Variants in ACP7 observed in about 807,000 individuals in gnomAD.
The protein encoded by ACP7 is acid phosphatase type 7.
Under a neutral mutation model 60.6 loss-of-function variants are expected in ACP7, and 58 were observed. That is an observed-to-expected ratio of 0.96 (90% CI 0.77 to 1.19). The LOEUF (loss-of-function observed/expected upper bound fraction) is 1.19. ACP7 is among the 50% of genes most tolerant of loss of function. The pLI, the probability that ACP7 is intolerant of heterozygous loss-of-function variation, is 0.00. For synonymous variants in ACP7, 237 were observed against 232.6 expected, an observed-to-expected ratio of 1.02 and a Z score of -0.17; for missense variants, 574 against 596.2, an observed-to-expected ratio of 0.96 and a Z score of 0.39.
chr19:39,102,781 TTCTCTC>T (rs1215908836), intron 11 of ACP7, among the ~76,000 whole-genome samples: 1 of 118,080 alleles, frequency 8.5e-6, no homozygotes, highest in Non-Finnish European at 1.8e-5. Flanking sequence ...CTCTCTCTCT[TTCTCTC>T]TCTCTCTTTC....
At position 39,098,996 on chromosome 19, in the gene ACP7, G is replaced by C; in HGVS notation, c.359G>C (p.Arg120Pro). 1 of 1,613,568 alleles carries C rather than the reference G, an allele frequency of 6.2e-7. No homozygotes were observed. The highest frequency in any genetic ancestry group is 8.5e-7 in the Non-Finnish European group (1 of 1,179,944). Residue 120 changes from arginine (R) to proline (P), a missense_variant, in exon 4 of 13, where the codon CGG (arginine) becomes CCG (proline). Transcript: ENST00000331256. ...GGCAGTGCGCAGGGCTGGAGCCGTC[G>C]GTTCCGCTTCAGGGCCCTCAAGAAT... The part of the protein sequence containing the change: ...RCGSAQGWSR[R>P]FRFRALKNGA...
chr19:39,096,600 C>T (rs1465305681), intron 2 of ACP7, among the ~76,000 whole-genome samples: 1 of 152,188 alleles, frequency 6.6e-6, no homozygotes, highest in Non-Finnish European at 1.5e-5. Flanking sequence ...AGTTCCAAAG[C>T]TGCTTCCACA....
chr19:39,099,067 G>C lies in ACP7; in HGVS notation c.430G>C (p.Ala144Pro), dbSNP rs373944316. 7 of 1,609,640 alleles carry C rather than the reference G, an allele frequency of 4.3e-6. No homozygotes were observed. The African/African-American group carries it at 6.7e-5, about 15-fold the overall frequency. The change falls in exon 4 of 13, where the codon GCT becomes CCT. Residue 144 changes from alanine to proline, a missense_variant. Physicochemically the swap from Ala to Pro is conservative, Grantham distance 27. Coordinates refer to ENST00000331256, the MANE Select transcript of ACP7 (RefSeq NM_001004318.3). ...TCTGGCTGTGTTTGGAGACCTGGGG[G>C]CTGACAACCCGAAGGCCGTCCCCCG... Reference protein sequence around the residue: ...PRLAVFGDLGADNPKAVPRLR... With the variant: ...PRLAVFGDLGPDNPKAVPRLR...
Position 39,094,251 on chromosome 19 carries a change from T to A in ACP7, c.122-4207T>A, listed in dbSNP as rs189634777. ...CGTGGTGGCTCACCCAAAGTGCTGATCCCAGCACTTTGGGAGGCCCAGGTG... is the reference window on the plus strand; with the variant it reads ...CGTGGTGGCTCACCCAAAGTGCTGAACCCAGCACTTTGGGAGGCCCAGGTG... On this transcript the variant is annotated intron_variant, in intron 2 of 12. Transcript: ENST00000331256. Among the ~76,000 whole-genome samples the A allele has an allele frequency of 3.1e-3, 474 of 152,158 alleles. 4 individuals carry two copies. The highest frequency in any genetic ancestry group is 0.01 in the African/African-American group (432 of 41,536).
intron 4 of ACP7, 114 bp from the exon 5 acceptor site, chr19:39,100,113 G>T: frequency 7.0e-7 from 1 of 1,419,184 alleles, no homozygotes; most frequent in Non-Finnish European, 9.5e-7. Flanking sequence ...CTCTTGCCTT[G>T]GCCTCCCGAA....
chr19:39,101,387 A>G, intron 10 of ACP7, 32 bp downstream of exon 10: 1 of 1,614,014 alleles, frequency 6.2e-7, no homozygotes, highest in Non-Finnish European at 8.5e-7. Context: ...GCGCCCACAC[A>G]GCTGGGGTCA....
chr19:39,105,880 A>G lies in ACP7; in HGVS notation c.1114-1067A>G, dbSNP rs137874579. On this transcript the variant is annotated intron_variant, in intron 11 of 12. Coordinates refer to ENST00000331256, the MANE Select transcript of ACP7 (RefSeq NM_001004318.3). Reference sequence around the variant, plus strand: ...TGAAAGTGTGGTACGGATGGGTCTCATTACTGATGATGCTTACTTTGATCA... The same window carrying G: ...TGAAAGTGTGGTACGGATGGGTCTCGTTACTGATGATGCTTACTTTGATCA... Among the ~76,000 whole-genome samples the G allele has an allele frequency of 7.2e-3, 1,096 of 152,216 alleles. 8 individuals are homozygous for G. Among genetic ancestry groups the G allele is most frequent in the African/African-American group, 0.021 (853 of 41,538 alleles).
At chr19:39,093,039 A>G (rs1165265873) in intron 2 of ACP7, among the ~76,000 whole-genome samples, 3 of 151,448 alleles carry the variant, frequency 2.0e-5, no homozygotes, top group Non-Finnish European at 2.9e-5. Context: ...TGGCCTCCCA[A>G]AGTGCTGGGA....
chr19:39,095,528 C>T (rs1001909782), intron 2 of ACP7, among the ~76,000 whole-genome samples: 7 of 152,230 alleles, frequency 4.6e-5, no homozygotes, highest in African/African-American at 1.7e-4. Flanking sequence ...GGTATAGCCT[C>T]CCTCCTGGCT....
chr19:39,093,813 C>T (rs1242870027), intron 2 of ACP7, among the ~76,000 whole-genome samples: 1 of 152,162 alleles, frequency 6.6e-6, no homozygotes, highest in African/African-American at 2.4e-5. Context: ...ATTTTCTATA[C>T]CCCCTTACAT....
Position 39,101,548 on chromosome 19 carries a change from G to A in ACP7, c.1113+11G>A, listed in dbSNP as rs752069399. 2.6e-5 allele frequency: 42 copies of A among 1,612,764 alleles called. 2 individuals are homozygous for A. The South Asian group carries it at 4.3e-4, about 16-fold the overall frequency. On this transcript the variant is annotated intron_variant, in intron 11 of 12. Transcript: ENST00000331256. The stretch of plus-strand genomic sequence containing the variant: ...ATCACAGGATCTGCTGTGAGCAGGG[G>A]GAAGGGTGGCTTTGCCTTCTCTCTC...
intron 2 of ACP7, 44 bp from the exon 3 acceptor site, chr19:39,098,414 C>T: frequency 2.2e-6 from 3 of 1,386,428 alleles, no homozygotes; most frequent in Non-Finnish European, 1.9e-6. Context: ...TCCCACCCTG[C>T]CCAGGCTTCA....
At chr19:39,092,370 GTATATATA>G (rs59033785) in intron 2 of ACP7, among the ~76,000 whole-genome samples, 49 of 149,226 alleles carry the variant, frequency 3.3e-4, no homozygotes, top group African/African-American at 1.1e-3. Context: ...GCGAAACTCT[GTATATATA>G]TATATATATA....
chr19:39,106,960 G>C lies in ACP7; in HGVS notation c.1127G>C (p.Arg376Pro). 6.2e-7 allele frequency: 1 copy of C among 1,613,868 alleles called. No individual in the cohort carries two copies. The highest frequency in any genetic ancestry group is 8.5e-7 in the Non-Finnish European group (1 of 1,179,940). ...TCCCCGCCCCAGGGCTGTGAGGAGC[G>C]GCTGACGCCCTTTGCTGTCTTCCCG... is the stretch of plus-strand genomic sequence containing the variant. ...IITGSAGCEE[R>P]LTPFAVFPRP... The change falls in exon 12 of 13, where the codon CGG becomes CCG. Residue 376 changes from arginine to proline, a missense_variant. Physicochemically the swap from Arg to Pro is moderately radical, Grantham distance 103. Transcript: ENST00000331256.
rs1334137040 is a variant in ACP7, at chr19:39,098,573, C to T, written c.237C>T (p.Val79=). The T allele has an allele frequency of 9.9e-6, 16 of 1,613,678 alleles. No homozygotes were observed. Among genetic ancestry groups the T allele is most frequent in the Non-Finnish European group, 1.4e-5 (16 of 1,179,828 alleles). Residue 79 remains valine (V), a synonymous_variant, in exon 3 of 13, where the codon GTC becomes GTT. Coordinates refer to ENST00000331256, the MANE Select transcript of ACP7 (RefSeq NM_001004318.3). ...CCCTCCGCGCCCAGGGCACCTTCGT[C>T]CCCTTTGTGGACGGGGGCATTCTCC... ...PLPLRAQGTF[V]PFVDGGILRR...
chr19:39,101,656 C>A, intron 11 of ACP7, 119 bp downstream of exon 11: 1 of 1,167,914 alleles, frequency 8.6e-7, no homozygotes, highest in South Asian at 1.5e-5. Flanking sequence ...ACCCTCAGCC[C>A]TAAGGTCGGG....
At chr19:39,104,083 A>C (rs1164125434) in intron 11 of ACP7, among the ~76,000 whole-genome samples, 1 of 151,236 alleles carries the variant, frequency 6.6e-6, no homozygotes, top group Non-Finnish European at 1.5e-5. Context: ...CTGGTAAAAT[A>C]ATAATTATTA....
At position 39,085,489 on chromosome 19, in the gene ACP7, G is replaced by A. The variant is rs139016860; in HGVS notation, c.121+99G>A. 75 of 1,446,338 alleles carry A rather than the reference G, an allele frequency of 5.2e-5. No individual in the cohort carries two copies. In the African/African-American group the frequency reaches 5.8e-4, roughly 11 times the overall value. 89.6% of individuals were successfully genotyped at this position (1,446,338 alleles called of 1,614,324 possible). A position where few individuals can be genotyped will look rare whatever the true frequency, so the allele number is the denominator to read the frequency against. Reference sequence around the variant, plus strand: ...AATCCCACACTGTGAGCCCCTAGGCGGGTGGCTCATTCCTCCTGAGCCTCC... The same window carrying A: ...AATCCCACACTGTGAGCCCCTAGGCAGGTGGCTCATTCCTCCTGAGCCTCC... On this transcript the variant is annotated intron_variant, in intron 2 of 12. Transcript: ENST00000331256.
chr19:39,109,276 C>T lies in ACP7; in HGVS notation c.1252-777C>T, dbSNP rs374040023. Among the ~76,000 whole-genome samples, 5 of 152,238 alleles carry T rather than the reference C, an allele frequency of 3.3e-5. 1 individual carries two copies. Among genetic ancestry groups the T allele is most frequent in the African/African-American group, 1.2e-4 (5 of 41,556 alleles). ...CTGGGATCTGATAGCTACCATTTATCGAGTGGCACATGCACCGGGCGCAGA... is the reference window on the plus strand; with the variant it reads ...CTGGGATCTGATAGCTACCATTTATTGAGTGGCACATGCACCGGGCGCAGA... On this transcript the variant is annotated intron_variant, in intron 12 of 12. Transcript: ENST00000331256.
Sources: gnomAD v4.1 joint callset for allele counts (sites outside exome capture counted in the v4.1 genomes callset) on GRCh38, gnomAD v4.1.1 for gene constraint, MANE v1.5 for transcripts, NCBI Gene and HGNC (gene_info 2026-07-23, HGNC 2026-07-21) for gene names.